Variants in B4GALNT3 observed in about 807,000 individuals in gnomAD.
The protein encoded by B4GALNT3 is beta-1,4-N-acetylgalactosaminyltransferase 3.
In B4GALNT3, 86 loss-of-function variants were observed where a neutral mutation model predicts 120.2. The ratio of observed to expected loss-of-function variants is 0.72; its 90% CI spans 0.60 to 0.86. B4GALNT3 has a LOEUF of 0.86. B4GALNT3 is among the 40% of genes least tolerant of loss of function. The pLI is 0.00. For synonymous variants in B4GALNT3, 518 were observed against 510.4 expected (o/e 1.01, Z -0.20); for missense variants, 1,167 against 1,298.9 (o/e 0.90, Z 1.56).
chr12:512,245 A>C (rs1483669803), intron 1 of B4GALNT3, among the ~76,000 whole-genome samples: 5 of 31,088 alleles, frequency 1.6e-4, no homozygotes, highest in South Asian at 1.7e-3. Flanking sequence ...TCCACCTTCC[A>C]CCTTCTTCCA....
At chr12:525,667 G>A (rs1946753513) in intron 1 of B4GALNT3, among the ~76,000 whole-genome samples, 1 of 152,214 alleles carries the variant, frequency 6.6e-6, no homozygotes, top group African/African-American at 2.4e-5. Flanking sequence ...AAGCTGGGAA[G>A]AGTTCCTGCT....
chr12:545,424 C>T lies in B4GALNT3; in HGVS notation c.594C>T (p.Leu198=), dbSNP rs781508279. The T allele has an allele frequency of 2.5e-6, 4 of 1,611,730 alleles. No homozygotes were observed. The highest frequency in any genetic ancestry group is 2.5e-6 in the Non-Finnish European group (3 of 1,179,388). ...ACAACGCGGAGTTCTGGCTGAGCCT[C>T]GATGACCAGGTCTCAGGCCTCCAGC... The part of the protein sequence containing the change: ...ADDNAEFWLS[L]DDQVSGLQLL... Residue 198 remains leucine (L), a synonymous_variant, in exon 6 of 20, where the codon CTC becomes CTT. Coordinates refer to ENST00000266383, the MANE Select transcript of B4GALNT3 (RefSeq NM_173593.4).
Position 521,376 on chromosome 12 carries a change from G to A in B4GALNT3, c.170-13790G>A, listed in dbSNP as rs75880732. 7.3e-3 allele frequency among the ~76,000 whole-genome samples: 1,113 copies of A among 152,290 alleles called. 15 individuals carry two copies. The highest frequency in any genetic ancestry group is 0.024 in the African/African-American group (1,014 of 41,564). On this transcript the variant is annotated intron_variant, in intron 1 of 19. Coordinates refer to ENST00000266383, the MANE Select transcript of B4GALNT3 (RefSeq NM_173593.4). ...GAGACACACTGAGGTGTCTGGAGCC[G>A]GGTCACTGGGTGGCTGTTGAGATCT...
chr12:511,360 ACCTTCAACCTTCCG>A (rs1329294261), intron 1 of B4GALNT3, among the ~76,000 whole-genome samples: 5 of 83,494 alleles, frequency 6.0e-5, no homozygotes, highest in Non-Finnish European at 1.2e-4. Context: ...TCCACCTTCC[ACCTTCAACCTTCCG>A]CCTTCCGCCT....
intron 16 of B4GALNT3, 64 bp from the exon 17 acceptor site, chr12:557,952 A>G: frequency 6.4e-7 from 1 of 1,571,922 alleles, no homozygotes; most frequent in Non-Finnish European, 8.8e-7. Context: ...TATGCCTGCC[A>G]ACTTCCTCCA....
intron 19 of B4GALNT3, 67 bp from the exon 20 acceptor site, chr12:561,260 CAGAGGGTCTGTGGTCG>C: frequency 9.7e-7 from 1 of 1,034,924 alleles, no homozygotes; most frequent in Non-Finnish European, 1.5e-6. Flanking sequence ...GGGGAGCGAA[CAGAGGGTCTGTGGTCG>C]ATGGGGAGGG....
At chr12:552,921 T>C in intron 13 of B4GALNT3, 1 of 525,268 alleles carries the variant, frequency 1.9e-6, no homozygotes, top group Non-Finnish European at 3.4e-6. Context: ...TCAGGTGCTA[T>C]GCACCTGCCG....
At chr12:490,960 A>T (rs1329468282) in intron 1 of B4GALNT3, among the ~76,000 whole-genome samples, 3 of 152,234 alleles carry the variant, frequency 2.0e-5, no homozygotes. Flanking sequence ...GTAAGGAGGA[A>T]ATTATGCCAT....
At chr12:494,463 G>A (rs1946370996) in intron 1 of B4GALNT3, among the ~76,000 whole-genome samples, 1 of 152,112 alleles carries the variant, frequency 6.6e-6, no homozygotes. Flanking sequence ...GAACTTAGAA[G>A]CCAAGAGTTC....
intron 1 of B4GALNT3, among the ~76,000 whole-genome samples, chr12:473,053 C>T (rs1327957501): frequency 6.6e-6 from 1 of 151,694 alleles, no homozygotes; most frequent in Non-Finnish European, 1.5e-5. Context: ...ACTGCAGCCT[C>T]GACTTCTTCA....
At chr12:502,846 T>C (rs1946458162) in intron 1 of B4GALNT3, among the ~76,000 whole-genome samples, 1 of 152,180 alleles carries the variant, frequency 6.6e-6, no homozygotes, top group Non-Finnish European at 1.5e-5. Flanking sequence ...CCTTAATTCC[T>C]GGGCTCAAGC....
At chr12:510,003 C>G (rs1946530728) in intron 1 of B4GALNT3, among the ~76,000 whole-genome samples, 1 of 152,212 alleles carries the variant, frequency 6.6e-6, no homozygotes, top group Non-Finnish European at 1.5e-5. Flanking sequence ...TACCTTTGTT[C>G]CCTTCCATGG....
chr12:552,196 C>T (rs756279071), intron 12 of B4GALNT3, 33 bp downstream of exon 12: 1 of 1,549,628 alleles, frequency 6.5e-7, no homozygotes. Flanking sequence ...GGAAGGTGAC[C>T]TTGCAGAGGG....
intron 4 of B4GALNT3, 152 bp downstream of exon 4, chr12:544,586 T>A (rs1180831479): frequency 1.5e-5 from 11 of 741,168 alleles, no homozygotes; most frequent in Non-Finnish European, 2.4e-5. Context: ...AGTTCCCTTG[T>A]TTCCTTCCTA....
At position 561,799 on chromosome 12, in the gene B4GALNT3, C is replaced by T. The variant is rs1382638476; in HGVS notation, c.*348C>T. 1.8e-5 allele frequency: 4 copies of T among 221,084 alleles called. No homozygotes were observed. Among genetic ancestry groups the T allele is most frequent in the South Asian group, 1.6e-4 (2 of 12,240 alleles). The allele number at this position is 221,084 out of a possible 1,614,324, so 13.7% of individuals were successfully genotyped here. ...AAGGTGCACGCCCACATCCCCCAAGCGCTCCTCACGCCAAGCGCTGACCAC... is the reference window on the plus strand; with the variant it reads ...AAGGTGCACGCCCACATCCCCCAAGTGCTCCTCACGCCAAGCGCTGACCAC... On this transcript the variant is annotated 3_prime_UTR_variant, in exon 20 of 20. Transcript: ENST00000266383.
Position 556,766 on chromosome 12 carries a change from T to C in B4GALNT3, c.2280T>C (p.Arg760=). 1 of 1,612,750 alleles carries C rather than the reference T, an allele frequency of 6.2e-7. No homozygotes were observed. Among genetic ancestry groups the C allele is most frequent in the Non-Finnish European group, 8.5e-7 (1 of 1,179,132 alleles). ...LQGLVWDPHN[R]RRQVLNTRAQ... is the part of the protein sequence containing the mutation. ...GCCTGGTCTGGGACCCACACAACCG[T>C]AGGAGACAGGTCCTGAATACCCGGG... Residue 760 remains arginine, a synonymous_variant, in exon 15 of 20, where the codon CGT becomes CGC. Coordinates refer to ENST00000266383, the MANE Select transcript of B4GALNT3 (RefSeq NM_173593.4).
rs186858680 is a variant in B4GALNT3, at chr12:480,038, G to T, written c.169+19493G>T. On this transcript the variant is annotated intron_variant, in intron 1 of 19. Transcript: ENST00000266383. ...ACGCCATTCTCCTGCCTCAGCCTCC[G>T]GAGTAGCTGGGACTACAGGCGCTCG... 2.4e-3 allele frequency among the ~76,000 whole-genome samples: 359 copies of T among 151,286 alleles called. 6 individuals carry two copies. The East Asian group carries it at 0.029, about 12-fold the overall frequency.
intron 3 of B4GALNT3, among the ~76,000 whole-genome samples, chr12:536,609 A>G (rs1406097509): frequency 6.6e-6 from 1 of 152,190 alleles, no homozygotes; most frequent in Non-Finnish European, 1.5e-5. Flanking sequence ...CAGCCTCCTG[A>G]CTAGCTGGGA....
intron 1 of B4GALNT3, among the ~76,000 whole-genome samples, chr12:534,406 G>A (rs570634763): frequency 1.8e-4 from 27 of 152,122 alleles, no homozygotes; most frequent in Admixed American, 3.9e-4. Flanking sequence ...GATTCTCCCC[G>A]GCCCTCACCC....
Sources: gnomAD v4.1 joint callset for allele counts (sites outside exome capture counted in the v4.1 genomes callset) on GRCh38, gnomAD v4.1.1 for gene constraint, MANE v1.5 for transcripts, NCBI Gene and HGNC (gene_info 2026-07-23, HGNC 2026-07-21) for gene names.